TENM3: variants seen among roughly 807,000 people sequenced by gnomAD.
TENM3 encodes the protein teneurin-3.
A neutral mutation model predicts 255.1 loss-of-function variants in TENM3; 63 were observed. The ratio of observed to expected loss-of-function variants is 0.25; its 90% CI spans 0.20 to 0.30. The LOEUF is 0.30. TENM3 is among the 10% of genes least tolerant of loss of function. The pLI, the probability that TENM3 is intolerant of heterozygous loss-of-function variation, is 1.00. For synonymous variants in TENM3, 1,306 were observed against 1,322.3 expected, an observed-to-expected ratio of 0.99 and a Z score of 0.27; for missense variants, 2,929 against 3,461.1, an observed-to-expected ratio of 0.85 and a Z score of 3.86.
intron 12 of TENM3, among the ~76,000 whole-genome samples, chr4:182,713,515 G>A (rs1396044227): frequency 6.6e-6 from 1 of 152,174 alleles, no homozygotes; most frequent in Non-Finnish European, 1.5e-5. Context: ...CCTATACTTT[G>A]TGCAATTATT....
intron 3 of TENM3, among the ~76,000 whole-genome samples, chr4:182,492,561 C>T (rs992174168): frequency 2.0e-5 from 3 of 152,062 alleles, no homozygotes; most frequent in East Asian, 1.9e-4. Flanking sequence ...TTTTCAGTTT[C>T]GTTTCATGAG....
At chr4:181,577,320 C>T in the TENM3 span, among the ~76,000 whole-genome samples, 2 of 150,086 alleles carry the variant, frequency 1.3e-5, no homozygotes, top group Non-Finnish European at 3.0e-5. Context: ...GGATTACAGG[C>T]GTGAGCCACC....
chr4:181,793,190 G>A, the TENM3 span, among the ~76,000 whole-genome samples: 1 of 152,258 alleles, frequency 6.6e-6, no homozygotes, highest in South Asian at 2.1e-4. Context: ...ATGCATCCAG[G>A]GCTGGCCGGC....
chr4:181,489,607 C>CCTT, the TENM3 span, among the ~76,000 whole-genome samples: 4 of 152,222 alleles, frequency 2.6e-5, no homozygotes, highest in African/African-American at 7.2e-5. Context: ...ACACACTATA[C>CCTT]CCTATTTCGT....
the TENM3 span, among the ~76,000 whole-genome samples, chr4:181,536,075 G>C: frequency 6.6e-6 from 1 of 152,200 alleles, no homozygotes; most frequent in African/African-American, 2.4e-5. Flanking sequence ...AAACGTAAAA[G>C]CCAAAAACCA....
chr4:181,986,382 TTC>T, the TENM3 span, among the ~76,000 whole-genome samples: 2 of 152,032 alleles, frequency 1.3e-5, no homozygotes, highest in Non-Finnish European at 2.9e-5. Flanking sequence ...TAGATCCCAT[TTC>T]TCCAGCATGT....
At chr4:181,564,669 C>T in the TENM3 span, among the ~76,000 whole-genome samples, 2 of 152,158 alleles carry the variant, frequency 1.3e-5, no homozygotes, top group African/African-American at 4.8e-5. Flanking sequence ...GTGGACAGAG[C>T]AATTCTCTGC....
At chr4:182,060,861 G>A in the TENM3 span, among the ~76,000 whole-genome samples, 2 of 152,126 alleles carry the variant, frequency 1.3e-5, no homozygotes, top group Non-Finnish European at 2.9e-5. Context: ...ATAAAAACTA[G>A]GAAGCATATG....
chr4:181,889,174 T>TG, the TENM3 span, among the ~76,000 whole-genome samples: 2 of 151,850 alleles, frequency 1.3e-5, no homozygotes, highest in African/African-American at 4.8e-5. Flanking sequence ...TGGGGCCCGG[T>TG]GGGGGGGATA....
At chr4:181,590,492 C>T in the TENM3 span, among the ~76,000 whole-genome samples, 12 of 152,148 alleles carry the variant, frequency 7.9e-5, no homozygotes, top group South Asian at 2.1e-4. Context: ...AGCTCCTTAC[C>T]GAGGAAGGGT....
chr4:181,808,318 C>T, the TENM3 span, among the ~76,000 whole-genome samples: 1 of 152,172 alleles, frequency 6.6e-6, no homozygotes, highest in South Asian at 2.1e-4. Context: ...CGAGTAGACA[C>T]TGCTGTCACT....
At chr4:181,647,589 A>C in the TENM3 span, among the ~76,000 whole-genome samples, 1 of 152,182 alleles carries the variant, frequency 6.6e-6, no homozygotes. Context: ...GCCGCAAGAT[A>C]AAACAACAAA....
At chr4:181,888,828 C>T in the TENM3 span, among the ~76,000 whole-genome samples, 1 of 151,332 alleles carries the variant, frequency 6.6e-6, no homozygotes, top group Non-Finnish European at 1.5e-5. Flanking sequence ...TGCCAACGTC[C>T]AAGGGCAGGA....
the TENM3 span, among the ~76,000 whole-genome samples, chr4:181,894,167 G>A: frequency 1.3e-5 from 2 of 152,104 alleles, no homozygotes; most frequent in South Asian, 4.1e-4. Context: ...AGGATATGAG[G>A]CAATGATGAT....
chr4:182,588,155 T>C (rs1746229883), intron 3 of TENM3, among the ~76,000 whole-genome samples: 1 of 152,186 alleles, frequency 6.6e-6, no homozygotes. Context: ...ATTTTAAAAT[T>C]GAAAAACTTC....
At chr4:182,463,987 G>A (rs983739893) in intron 3 of TENM3, among the ~76,000 whole-genome samples, 1 of 152,018 alleles carries the variant, frequency 6.6e-6, no homozygotes, top group African/African-American at 2.4e-5. Context: ...TTCATTAAAT[G>A]TAACAGAGGC....
At chr4:182,624,242 T>G (rs1750607335) in intron 4 of TENM3, among the ~76,000 whole-genome samples, 1 of 152,222 alleles carries the variant, frequency 6.6e-6, no homozygotes, top group Non-Finnish European at 1.5e-5. Context: ...AAATATGGTT[T>G]CTTTCTGACA....
chr4:182,468,825 TGTGTGTGTG>T (rs1732840483), intron 3 of TENM3, among the ~76,000 whole-genome samples: 1 of 1,966 alleles, frequency 5.1e-4, no homozygotes, highest in Admixed American at 4.3e-3. Context: ...CCTGTGTGCT[TGTGTGTGTG>T]TGTGTGTGTG....
intron 1 of TENM3, among the ~76,000 whole-genome samples, chr4:182,288,438 T>G (rs2150311167): frequency 6.6e-6 from 1 of 152,322 alleles, no homozygotes; most frequent in Non-Finnish European, 1.5e-5. Context: ...TCAACATGTT[T>G]ACTAGTTTTC....
Sources: allele counts gnomAD v4.1 joint callset (sites outside exome capture counted in the v4.1 genomes callset), GRCh38; gene constraint gnomAD v4.1.1; transcripts MANE v1.5; gene names NCBI Gene and HGNC (gene_info 2026-07-23, HGNC 2026-07-21).